Variants in GRIA2 observed in about 807,000 individuals in gnomAD.
GRIA2 encodes glutamate ionotropic receptor AMPA type subunit 2, also known as glutamate receptor 2.
GRIA2 carries 14 observed loss-of-function variants against 97.3 expected under a neutral mutation model. That is an observed-to-expected ratio of 0.14 (90% confidence interval 0.10 to 0.23). The LOEUF (loss-of-function observed/expected upper bound fraction) is 0.23, where lower values mean the gene tolerates loss of function less well. GRIA2 is among the 10% of genes least tolerant of loss of function. The probability of loss-of-function intolerance (pLI) is 1.00; values close to 1 mark genes in which losing one functional copy is unlikely to be tolerated. For synonymous variants in GRIA2, 412 were observed against 387.8 expected (o/e 1.06, Z -0.73); for missense variants, 558 against 1,069.8 (o/e 0.52, Z 6.67).
intron 12 of GRIA2, among the ~76,000 whole-genome samples, chr4:157,353,212 C>G (rs911073922): frequency 6.6e-6 from 1 of 151,710 alleles, no homozygotes; most frequent in Non-Finnish European, 1.5e-5. Context: ...ATTAGACCAG[C>G]GTGGTGGCGC....
intron 5 of GRIA2, among the ~76,000 whole-genome samples, chr4:157,318,312 T>G (rs2126898404): frequency 6.6e-6 from 1 of 152,302 alleles, no homozygotes. Flanking sequence ...AATGTAAATT[T>G]GTGAGAATAT....
At chr4:157,356,083 TTA>T (rs1491322874) in intron 12 of GRIA2, among the ~76,000 whole-genome samples, 17 of 123,542 alleles carry the variant, frequency 1.4e-4, no homozygotes, top group South Asian at 2.3e-4. Context: ...ATTTATTTAT[TTA>T]TATATATTTA....
intron 2 of GRIA2, among the ~76,000 whole-genome samples, chr4:157,257,660 T>C (rs1383271082): frequency 6.6e-6 from 1 of 152,136 alleles, no homozygotes; most frequent in East Asian, 1.9e-4. Flanking sequence ...GATAATTTAC[T>C]TTATTAAAAG....
intron 2 of GRIA2, among the ~76,000 whole-genome samples, chr4:157,251,578 G>T (rs1731024669): frequency 6.6e-6 from 1 of 151,854 alleles, no homozygotes; most frequent in Non-Finnish European, 1.5e-5. Flanking sequence ...CATTTTTCTT[G>T]GTAGTGACGG....
At chr4:157,343,238 G>T (rs1018593456) in intron 12 of GRIA2, among the ~76,000 whole-genome samples, 1 of 151,984 alleles carries the variant, frequency 6.6e-6, no homozygotes, top group Non-Finnish European at 1.5e-5. Context: ...TATCAGTATA[G>T]CTCCCCAAAG....
intron 2 of GRIA2, among the ~76,000 whole-genome samples, chr4:157,248,615 G>GTA (rs1554006772): frequency 8.0e-6 from 1 of 124,536 alleles, no homozygotes; most frequent in Non-Finnish European, 1.7e-5. Flanking sequence ...ATATATACAT[G>GTA]TATATATACG....
At chr4:157,263,739 A>T (rs1438726348) in intron 2 of GRIA2, among the ~76,000 whole-genome samples, 1 of 152,108 alleles carries the variant, frequency 6.6e-6, no homozygotes, top group African/African-American at 2.4e-5. Flanking sequence ...TATATAGTCA[A>T]TGAGAATCTT....
intron 2 of GRIA2, among the ~76,000 whole-genome samples, chr4:157,224,014 C>T (rs1729631614): frequency 6.6e-6 from 1 of 152,062 alleles, no homozygotes; most frequent in Admixed American, 6.5e-5. Flanking sequence ...ATATATTAAA[C>T]ACATATGTAA....
chr4:157,233,888 A>G (rs1362093665), intron 2 of GRIA2, among the ~76,000 whole-genome samples: 1 of 152,136 alleles, frequency 6.6e-6, no homozygotes, highest in East Asian at 1.9e-4. Flanking sequence ...CATTTACAGA[A>G]AACAAAACAG....
chr4:157,322,010 C>T (rs796456982), intron 6 of GRIA2, among the ~76,000 whole-genome samples: 7 of 152,016 alleles, frequency 4.6e-5, no homozygotes, highest in South Asian at 2.1e-4. Context: ...AAACTCTTAG[C>T]GACATGGAGG....
chr4:157,253,607 A>G (rs1731110232), intron 2 of GRIA2, among the ~76,000 whole-genome samples: 1 of 152,118 alleles, frequency 6.6e-6, no homozygotes, highest in African/African-American at 2.4e-5. Flanking sequence ...AAAGCAGAAT[A>G]GAATACTAGA....
intron 2 of GRIA2, among the ~76,000 whole-genome samples, chr4:157,262,782 A>T (rs879329828): frequency 2.6e-5 from 4 of 152,036 alleles, no homozygotes; most frequent in Admixed American, 2.6e-4. Flanking sequence ...CCCTAAAGAA[A>T]GGGGCAGAAT....
intron 2 of GRIA2, among the ~76,000 whole-genome samples, chr4:157,258,388 A>G (rs941981891): frequency 3.9e-5 from 6 of 152,036 alleles, no homozygotes; most frequent in Non-Finnish European, 8.8e-5. Flanking sequence ...ACAGTTGAAG[A>G]TAAGGGATGA....
At chr4:157,363,316 G>T (rs1053359115) in intron 15 of GRIA2, 119 bp from the exon 16 acceptor site, 4 of 621,694 alleles carry the variant, frequency 6.4e-6, no homozygotes, top group Non-Finnish European at 9.5e-6. Context: ...GCTTTCATTT[G>T]CTAGAAGCTT....
At chr4:157,257,003 A>G (rs1269179091) in intron 2 of GRIA2, among the ~76,000 whole-genome samples, 1 of 152,034 alleles carries the variant, frequency 6.6e-6, no homozygotes, top group African/African-American at 2.4e-5. Context: ...TTTGTAGTAG[A>G]GTTTTTAAAA....
rs1736827775 is a variant in GRIA2 at position 157,365,127 on chromosome 4, T to C, written c.*1696T>C. ...ATTTTGCAAAGTGCTTTTAAAACAT[T>C]CTTACTTACCGTATTTCATAGAAGG... is the stretch of plus-strand genomic sequence containing the variant. On this transcript the variant is annotated 3_prime_UTR_variant, in exon 16 of 16. Coordinates refer to ENST00000264426, the MANE Select transcript of GRIA2 (RefSeq NM_001083619.3). The C allele has an allele frequency of 6.6e-6, 1 of 151,738 alleles. No homozygotes were observed. The highest frequency in any genetic ancestry group is 2.4e-5 in the African/African-American group (1 of 41,414). 9.4% of individuals were successfully genotyped at this position (151,738 alleles called of 1,614,324 possible). A position where few individuals can be genotyped will look rare whatever the true frequency, so the allele number is the denominator to read the frequency against.
chr4:157,220,987 GAGGAGGAAAAGGAAAAAAA>G lies in GRIA2; in HGVS notation c.-54_-36del. 1 of 860,486 alleles carries G rather than the reference GAGGAGGAAAAGGAAAAAAA, an allele frequency of 1.2e-6. No homozygotes were observed. Among genetic ancestry groups the G allele is most frequent in the Non-Finnish European group, 2.0e-6 (1 of 497,070 alleles). 53.3% of individuals were successfully genotyped at this position (860,486 alleles called of 1,614,324 possible). A position where few individuals can be genotyped will look rare whatever the true frequency, so the allele number is the denominator to read the frequency against. On this transcript the variant is annotated 5_prime_UTR_variant, in exon 1 of 16. Transcript: ENST00000264426. ...CAGAGGAAAACAGCCAAAGAAGGAAGAGGAGGAAAAGGAAAAAAAAAGGGGTATATTGTGGATGCTCTAC... is the reference window on the plus strand; with the variant it reads ...CAGAGGAAAACAGCCAAAGAAGGAAGAAGGGGTATATTGTGGATGCTCTAC...
rs192894509 is a variant in GRIA2, at chr4:157,316,010, A to G, written c.667-1648A>G. Among the ~76,000 whole-genome samples the G allele has an allele frequency of 1.2e-4, 19 of 152,310 alleles. No homozygotes were observed. In the East Asian group the frequency reaches 3.7e-3, roughly 29 times the overall value. On this transcript the variant is annotated intron_variant, in intron 4 of 15. Transcript: ENST00000264426. ...GTTAGTATGGCCAGTGCAAATTTTT[A>G]TATAGATGCTGGGGTAGAGAATTTT... is the stretch of plus-strand genomic sequence containing the variant.
intron 2 of GRIA2, among the ~76,000 whole-genome samples, chr4:157,231,367 G>T (rs949496982): frequency 6.6e-6 from 1 of 151,998 alleles, no homozygotes; most frequent in African/African-American, 2.4e-5. Flanking sequence ...TTTGCAGACG[G>T]GTTATCACCA....
Sources: gnomAD v4.1 joint callset for allele counts (sites outside exome capture counted in the v4.1 genomes callset) on GRCh38, gnomAD v4.1.1 for gene constraint, MANE v1.5 for transcripts, NCBI Gene and HGNC (gene_info 2026-07-23, HGNC 2026-07-21) for gene names.